CCDC186: variants seen among roughly 807,000 people sequenced by gnomAD.
CCDC186 encodes coiled-coil domain containing 186, also known as coiled-coil domain-containing protein 186.
CCDC186 carries 49 observed loss-of-function variants against 113.7 expected under a neutral mutation model. The observed-to-expected ratio is 0.43, with a 90% CI of 0.34 to 0.55. The LOEUF (loss-of-function observed/expected upper bound fraction) is 0.55. Among genes scored for constraint, CCDC186 ranks in the 20% least tolerant of loss-of-function variants. The pLI, the probability that CCDC186 is intolerant of heterozygous loss-of-function variation, is 0.02. For missense variants in CCDC186, 890 were observed against 1,011.1 expected, an observed-to-expected ratio of 0.88 and a Z score of 1.62; for synonymous variants, 355 against 345.8, an observed-to-expected ratio of 1.03 and a Z score of -0.30.
At chr10:114,134,833 C>T (rs1168917030) in intron 10 of CCDC186, 80 bp downstream of exon 10, 4 of 1,491,918 alleles carry the variant, frequency 2.7e-6, no homozygotes, top group East Asian at 2.4e-5. Flanking sequence ...TTGTTTAATG[C>T]AATAACTGCA....
intron 1 of CCDC186, among the ~76,000 whole-genome samples, chr10:114,170,995 T>C (rs1254879848): frequency 6.6e-6 from 1 of 152,164 alleles, no homozygotes; most frequent in Non-Finnish European, 1.5e-5. Context: ...CTTATCAAGT[T>C]ACACCATATA....
intron 13 of CCDC186, among the ~76,000 whole-genome samples, 191 bp downstream of exon 13, chr10:114,129,700 T>A (rs2119689046): frequency 6.6e-6 from 1 of 152,206 alleles, no homozygotes; most frequent in Non-Finnish European, 1.5e-5. Context: ...CAGCTGATTT[T>A]TGTATTTTTA....
At chr10:114,130,474 T>C (rs2031052766) in intron 12 of CCDC186, 2 of 153,170 alleles carry the variant, frequency 1.3e-5, no homozygotes, top group African/African-American at 2.4e-5. Context: ...CCCAAGCATA[T>C]AGCACAGACA....
At chr10:114,130,814 G>A (rs2031064456) in intron 12 of CCDC186, 1 of 181,516 alleles carries the variant, frequency 5.5e-6, no homozygotes, top group African/African-American at 2.3e-5. Context: ...TGTTTAAAAT[G>A]TATAAATAAA....
At chr10:114,136,113 G>A (rs201859983) in intron 8 of CCDC186, 35 bp downstream of exon 8, 16,564 of 1,557,964 alleles carry the variant, frequency 0.011, 120 homozygotes, top group Non-Finnish European at 0.013. Flanking sequence ...TATTTATTAT[G>A]CAACTTAGGA....
chr10:114,155,641 C>T (rs748036846), intron 3 of CCDC186, among the ~76,000 whole-genome samples: 44 of 152,158 alleles, frequency 2.9e-4, no homozygotes, highest in Non-Finnish European at 3.4e-4. Context: ...CGCCATTGCA[C>T]CCCAGCCTGG....
intron 6 of CCDC186, among the ~76,000 whole-genome samples, chr10:114,138,055 AAAAAAAAAAAAAAAAAAATAAAAAAAAT>A: frequency 9.9e-6 from 1 of 100,514 alleles, no homozygotes; most frequent in African/African-American, 5.0e-5. Flanking sequence ...AAAAAAAAAA[AAAAAAAAAAAAAAAAAAATAAAAAAAAT>A]ACACAAATTA....
At chr10:114,136,058 G>T (rs936915442) in intron 8 of CCDC186, 81 bp from the exon 9 acceptor site, 1 of 1,487,268 alleles carries the variant, frequency 6.7e-7, no homozygotes. Flanking sequence ...CTTCCAAAAG[G>T]CCTTAAAAGT....
At chr10:114,126,140 TGTA>T in intron 14 of CCDC186, 35 bp from the exon 15 acceptor site, 1 of 1,549,262 alleles carries the variant, frequency 6.5e-7, no homozygotes, top group Non-Finnish European at 8.8e-7. Context: ...GTTGTGTACT[TGTA>T]GAATTAAAAA....
chr10:114,162,412 C>A, intron 2 of CCDC186: 1 of 318,444 alleles, frequency 3.1e-6, no homozygotes, highest in Non-Finnish European at 5.6e-6. Flanking sequence ...AAATTTCTAG[C>A]ACGTTAATAC....
chr10:114,153,657 G>A (rs1370884662), intron 3 of CCDC186, among the ~76,000 whole-genome samples: 4 of 151,578 alleles, frequency 2.6e-5, no homozygotes, highest in Admixed American at 2.0e-4. Flanking sequence ...ATGGTGGCGG[G>A]TGCCTGTAAT....
chr10:114,161,216 A>G (rs971082718), intron 2 of CCDC186, among the ~76,000 whole-genome samples: 5 of 152,202 alleles, frequency 3.3e-5, no homozygotes, highest in African/African-American at 9.7e-5. Flanking sequence ...CTAAAGCTCC[A>G]CTCACAAAGC....
intron 4 of CCDC186, among the ~76,000 whole-genome samples, chr10:114,147,318 G>A (rs2031676075): frequency 6.6e-6 from 1 of 152,138 alleles, no homozygotes; most frequent in African/African-American, 2.4e-5. Flanking sequence ...TATAGTAAAT[G>A]AATGTACAAA....
chr10:114,125,385 G>A (rs1161472020), intron 15 of CCDC186, among the ~76,000 whole-genome samples, 159 bp from the exon 16 acceptor site: 1 of 152,166 alleles, frequency 6.6e-6, no homozygotes, highest in Non-Finnish European at 1.5e-5. Context: ...GCTGTTTTCA[G>A]TAAAGTACTC....
At chr10:114,132,610 C>G (rs2031123754) in intron 10 of CCDC186, among the ~76,000 whole-genome samples, 1 of 152,112 alleles carries the variant, frequency 6.6e-6, no homozygotes. Context: ...ATGAAAACTG[C>G]CACAGATATT....
intron 3 of CCDC186, among the ~76,000 whole-genome samples, chr10:114,152,895 C>T (rs577464234): frequency 3.6e-4 from 55 of 151,944 alleles, no homozygotes; most frequent in South Asian, 1.2e-3. Flanking sequence ...GAATAGCTCA[C>T]AAAAATAAAA....
rs754936371 is a variant in CCDC186 at position 114,134,989 on chromosome 10, T to A, written c.1579A>T (p.Asn527Tyr). 3 of 1,612,490 alleles carry A rather than the reference T, an allele frequency of 1.9e-6. No homozygotes were observed. The highest frequency in any genetic ancestry group is 1.1e-5 in the South Asian group (1 of 90,752). ...DELSKYKEII[N>Y]RQKAEIQNLL... The stretch of plus-strand genomic sequence containing the variant: ...TTCTGAATTTCAGCTTTTTGGCGAT[T>A]AATAATTTCCTTATATTTTGATAAT... The change falls in exon 10 of 16, where the codon AAT becomes TAT. Residue 527 changes from asparagine (N) to tyrosine (Y), a missense_variant. By Grantham distance (143) the Asn-to-Tyr change is moderately radical. Coordinates refer to ENST00000369287, the MANE Select transcript of CCDC186 (RefSeq NM_018017.4).
chr10:114,136,345 T>C, intron 7 of CCDC186, 99 bp from the exon 8 acceptor site: 1 of 755,544 alleles, frequency 1.3e-6, no homozygotes, highest in Non-Finnish European at 2.2e-6. Context: ...ATCATATACA[T>C]TTCTGTTACG....
At chr10:114,149,842 C>CAGGCAGGCAGGA (rs2031790988) in intron 4 of CCDC186, among the ~76,000 whole-genome samples, 1 of 117,396 alleles carries the variant, frequency 8.5e-6, no homozygotes, top group East Asian at 2.3e-4. Context: ...GGCAGGAAGG[C>CAGGCAGGCAGGA]AGGCAGGCAG....
Sources: allele counts gnomAD v4.1 joint callset (sites outside exome capture counted in the v4.1 genomes callset), GRCh38; gene constraint gnomAD v4.1.1; transcripts MANE v1.5; gene names NCBI Gene and HGNC (gene_info 2026-07-23, HGNC 2026-07-21).